ARL15: variants seen among roughly 807,000 people sequenced by gnomAD.
ARL15 encodes the protein ARF like GTPase 15.
A neutral mutation model predicts 25.2 loss-of-function variants in ARL15; 19 were observed. The ratio of observed to expected loss-of-function variants is 0.75; its 90% CI spans 0.53 to 1.10. ARL15 has a LOEUF of 1.10. Among genes scored for constraint, ARL15 ranks in the 50% least tolerant of loss-of-function variants. The pLI is 0.00. For missense variants in ARL15, 220 were observed against 246.0 expected, an observed-to-expected ratio of 0.89 and a Z score of 0.71; for synonymous variants, 94 against 86.8, an observed-to-expected ratio of 1.08 and a Z score of -0.46.
intron 1 of ARL15, among the ~76,000 whole-genome samples, chr5:54,205,788 A>T (rs1755850503): frequency 6.6e-6 from 1 of 152,238 alleles, no homozygotes; most frequent in South Asian, 2.1e-4. Context: ...GCACAGTAAG[A>T]ACAAAGACTG....
In ARL15 at chr5:53,995,276, C is replaced by T. The variant is rs918147955; in HGVS notation, c.463-108563G>A. ...CGAGCCGAGATTGTGCCACTGCACACCTGGGAGACAGAGCGAGACTCCGTC... is the reference window on the plus strand; with the variant it reads ...CGAGCCGAGATTGTGCCACTGCACATCTGGGAGACAGAGCGAGACTCCGTC... On this transcript the variant is annotated intron_variant, in intron 4 of 4. Coordinates refer to ENST00000504924, the MANE Select transcript of ARL15 (RefSeq NM_019087.3). Among the ~76,000 whole-genome samples, 12 of 137,156 alleles carry T rather than the reference C, an allele frequency of 8.7e-5. 1 individual carries two copies. Among genetic ancestry groups the T allele is most frequent in the Non-Finnish European group, 1.5e-4 (10 of 66,090 alleles). The allele number at this position is 137,156 out of a possible 152,430, so 90.0% of individuals were successfully genotyped here.
At chr5:53,918,512 G>T (rs1159161185) in intron 4 of ARL15, among the ~76,000 whole-genome samples, 1 of 152,000 alleles carries the variant, frequency 6.6e-6, no homozygotes, top group Non-Finnish European at 1.5e-5. Flanking sequence ...CATTTTAAAG[G>T]TATCTGTCAA....
chr5:53,989,926 ATG>A (rs756583987), intron 4 of ARL15, among the ~76,000 whole-genome samples: 20 of 152,174 alleles, frequency 1.3e-4, no homozygotes, highest in Non-Finnish European at 2.4e-4. Flanking sequence ...GTTGGGAGGC[ATG>A]AAAAAGTTTT....
intron 4 of ARL15, among the ~76,000 whole-genome samples, chr5:54,100,909 T>C (rs1752416621): frequency 6.6e-6 from 1 of 152,072 alleles, no homozygotes; most frequent in Non-Finnish European, 1.5e-5. Flanking sequence ...ACTGTATACC[T>C]TTTTGTAAAA....
chr5:54,188,535 G>C (rs1755302392), intron 1 of ARL15, among the ~76,000 whole-genome samples: 1 of 137,892 alleles, frequency 7.3e-6, no homozygotes, highest in African/African-American at 2.8e-5. Context: ...GGTCCTCAAG[G>C]GAATTAGACA....
chr5:54,077,556 G>A lies in ARL15; in HGVS notation c.462+35646C>T, dbSNP rs931024362. Among the ~76,000 whole-genome samples, 6 of 152,088 alleles carry A rather than the reference G, an allele frequency of 3.9e-5. 1 individual carries two copies. The highest frequency in any genetic ancestry group is 1.4e-4 in the African/African-American group (6 of 41,400). ...TGGTTGTCTATGTCAGCCATTATAC[G>A]GGGAAACATGATGCTCACTGTTCTA... is the stretch of plus-strand genomic sequence containing the variant. On this transcript the variant is annotated intron_variant, in intron 4 of 4. Transcript: ENST00000504924.
At chr5:53,889,703 T>C (rs565947684) in intron 4 of ARL15, among the ~76,000 whole-genome samples, 1 of 152,334 alleles carries the variant, frequency 6.6e-6, no homozygotes, top group African/African-American at 2.4e-5. Context: ...GAGTGACTGC[T>C]GCTGGAACAT....
chr5:54,084,413 T>A (rs1751892495), intron 4 of ARL15, among the ~76,000 whole-genome samples: 2 of 118,476 alleles, frequency 1.7e-5, no homozygotes, highest in African/African-American at 3.2e-5. Flanking sequence ...ACTACAGTGG[T>A]ACTGACTCTT....
intron 4 of ARL15, among the ~76,000 whole-genome samples, chr5:53,970,401 A>G (rs16881907): frequency 0.063 from 9,605 of 152,236 alleles, 397 homozygotes; most frequent in Admixed American, 0.089. Context: ...ATAAAGCTTA[A>G]ACAAAGTTCC....
chr5:54,027,952 T>A (rs956313808), intron 4 of ARL15, among the ~76,000 whole-genome samples: 1 of 152,124 alleles, frequency 6.6e-6, no homozygotes, highest in African/African-American at 2.4e-5. Context: ...AGTCTTGTTT[T>A]GTCACCCAGG....
chr5:54,251,743 G>A (rs1007886389), intron 1 of ARL15, among the ~76,000 whole-genome samples: 11 of 152,196 alleles, frequency 7.2e-5, no homozygotes, highest in Non-Finnish European at 1.3e-4. Context: ...AGTGTAATAA[G>A]GTAAGCATGA....
At chr5:53,979,508 C>G (rs1748049612) in intron 4 of ARL15, among the ~76,000 whole-genome samples, 1 of 152,150 alleles carries the variant, frequency 6.6e-6, no homozygotes, top group South Asian at 2.1e-4. Flanking sequence ...CCATTGCACT[C>G]CAGCCTGGGC....
intron 4 of ARL15, among the ~76,000 whole-genome samples, chr5:54,080,010 C>CACAT (rs1554038852): frequency 1.6e-4 from 23 of 144,782 alleles, no homozygotes; most frequent in East Asian, 2.1e-4. Context: ...CACACACACA[C>CACAT]ACACACAGAC....
intron 3 of ARL15, among the ~76,000 whole-genome samples, chr5:54,149,018 C>T (rs1395355056): frequency 2.0e-5 from 3 of 152,176 alleles, no homozygotes; most frequent in East Asian, 1.9e-4. Context: ...AGAGCTGTGA[C>T]ATCACTGCAG....
intron 1 of ARL15, among the ~76,000 whole-genome samples, chr5:54,262,867 CA>C (rs1561287294): frequency 1.3e-5 from 2 of 152,118 alleles, no homozygotes; most frequent in East Asian, 1.9e-4. Context: ...GTGGAATGAA[CA>C]GGCACTTTAA....
rs1754684261 is a variant in ARL15, at chr5:54,170,501, T to C, written c.193+1283A>G. Among the ~76,000 whole-genome samples, 2 of 152,212 alleles carry C rather than the reference T, an allele frequency of 1.3e-5. 1 individual carries two copies. Among genetic ancestry groups the C allele is most frequent in the South Asian group, 4.1e-4 (2 of 4,836 alleles). On this transcript the variant is annotated intron_variant, in intron 2 of 4. Coordinates refer to ENST00000504924, the MANE Select transcript of ARL15 (RefSeq NM_019087.3). ...CTGCTAAGATTCAGCCACCACTGAA[T>C]ACAATTTGTCTCCTGGCACTCTATT...
intron 1 of ARL15, among the ~76,000 whole-genome samples, chr5:54,288,155 A>G (rs182121897): frequency 6.6e-6 from 1 of 152,354 alleles, no homozygotes; most frequent in East Asian, 1.9e-4. Flanking sequence ...ACCCAGAGAG[A>G]AATCAGTATG....
intron 1 of ARL15, among the ~76,000 whole-genome samples, chr5:54,289,362 G>GAA (rs754153985): frequency 4.0e-4 from 49 of 123,542 alleles, no homozygotes; most frequent in African/African-American, 1.2e-3. Flanking sequence ...GTCCTATGAA[G>GAA]AAAAAAAAAA....
At chr5:53,975,705 A>G (rs1359312246) in intron 4 of ARL15, among the ~76,000 whole-genome samples, 1 of 152,238 alleles carries the variant, frequency 6.6e-6, no homozygotes, top group Non-Finnish European at 1.5e-5. Flanking sequence ...AAAAAGTGTC[A>G]TATGATTCTT....
Sources: gnomAD v4.1 joint callset for allele counts (sites outside exome capture counted in the v4.1 genomes callset) on GRCh38, gnomAD v4.1.1 for gene constraint, MANE v1.5 for transcripts, NCBI Gene and HGNC (gene_info 2026-07-23, HGNC 2026-07-21) for gene names.